The following SMYD1 variants were observed in gnomAD, a reference collection of about 807,000 sequenced individuals.
SMYD1 encodes histone-lysine N-methyltransferase SMYD1.
In SMYD1, 49 loss-of-function variants were observed where a neutral mutation model predicts 54.0. The ratio of observed to expected loss-of-function variants is 0.91; its 90% CI spans 0.72 to 1.15. The LOEUF (loss-of-function observed/expected upper bound fraction) is 1.15, where lower values mean the gene tolerates loss of function less well. Among genes scored for constraint, SMYD1 ranks in the 50% most tolerant of loss-of-function variants. The pLI is 0.00. For synonymous variants in SMYD1, 269 were observed against 234.2 expected (o/e 1.15, Z -1.36); for missense variants, 653 against 639.6 (o/e 1.02, Z -0.23).
chr2:88,073,903 A>G (rs1164644423), intron 1 of SMYD1, among the ~76,000 whole-genome samples: 1 of 152,214 alleles, frequency 6.6e-6, no homozygotes, highest in African/African-American at 2.4e-5. Context: ...TCAATTTTTA[A>G]GTATATGCAT....
At chr2:88,083,892 G>A (rs1267624793) in intron 1 of SMYD1, among the ~76,000 whole-genome samples, 4 of 152,124 alleles carry the variant, frequency 2.6e-5, no homozygotes, top group African/African-American at 4.8e-5. Flanking sequence ...TCAGGAGTTC[G>A]AGACCAGCCT....
intron 1 of SMYD1, among the ~76,000 whole-genome samples, chr2:88,070,916 C>T (rs2103974119): frequency 8.0e-6 from 1 of 124,902 alleles, no homozygotes; most frequent in East Asian, 2.2e-4. Context: ...GCACTCTAGC[C>T]TGGGTGACAG....
At chr2:88,070,665 C>T (rs115776880) in intron 1 of SMYD1, among the ~76,000 whole-genome samples, 53 of 151,876 alleles carry the variant, frequency 3.5e-4, no homozygotes, top group African/African-American at 1.2e-3. Context: ...TAGTTTTGGC[C>T]GGGTGTGGTG....
chr2:88,104,760 C>T (rs1674818417), intron 7 of SMYD1, among the ~76,000 whole-genome samples: 1 of 152,210 alleles, frequency 6.6e-6, no homozygotes, highest in Non-Finnish European at 1.5e-5. Context: ...CCCATGAGAG[C>T]AGCAAAGGAA....
At chr2:88,077,571 C>T (rs778806438) in intron 1 of SMYD1, among the ~76,000 whole-genome samples, 4 of 152,086 alleles carry the variant, frequency 2.6e-5, no homozygotes, top group Admixed American at 1.3e-4. Flanking sequence ...ATGTAAGACT[C>T]GGGAGAAACG....
At chr2:88,083,602 T>C (rs1674250172) in intron 1 of SMYD1, among the ~76,000 whole-genome samples, 1 of 152,196 alleles carries the variant, frequency 6.6e-6, no homozygotes, top group African/African-American at 2.4e-5. Flanking sequence ...ACATATATCA[T>C]AGTGTGTAGA....
rs773436615 is a variant in SMYD1, at chr2:88,067,910, G to A, written c.46G>A (p.Gly16Ser). 2.5e-5 allele frequency: 40 copies of A among 1,614,040 alleles called. No homozygotes were observed. Among genetic ancestry groups the A allele is most frequent in the East Asian group, 2.2e-4 (10 of 44,882 alleles). The change falls in exon 1 of 10, where the codon GGC (glycine) becomes AGC (serine). Residue 16 changes from glycine to serine, a missense_variant. Coordinates refer to ENST00000419482, the MANE Select transcript of SMYD1 (RefSeq NM_198274.4). ...MENVEVFTAE[G>S]KGRGLKATKE... ...GAACGTGGAGGTCTTCACCGCTGAG[G>A]GCAAAGGAAGGGGTCTGAAGGCCAC...
intron 6 of SMYD1, 35 bp downstream of exon 6, chr2:88,096,819 T>C: frequency 1.9e-6 from 3 of 1,589,464 alleles, no homozygotes; most frequent in Non-Finnish European, 2.6e-6. Flanking sequence ...TGTTTGTGTC[T>C]GTCTTCTCCG....
At chr2:88,087,561 A>G (rs1674360271) in intron 2 of SMYD1, among the ~76,000 whole-genome samples, 1 of 151,838 alleles carries the variant, frequency 6.6e-6, no homozygotes, top group South Asian at 2.1e-4. Context: ...TTCCAATTCC[A>G]GCTCAAATGT....
At chr2:88,100,255 C>A (rs1674693318) in intron 6 of SMYD1, among the ~76,000 whole-genome samples, 1 of 152,110 alleles carries the variant, frequency 6.6e-6, no homozygotes, top group East Asian at 1.9e-4. Context: ...AATTAACAAC[C>A]TTTCTGCCAG....
At chr2:88,075,534 CTT>C (rs35091980) in intron 1 of SMYD1, among the ~76,000 whole-genome samples, 2,250 of 103,508 alleles carry the variant, frequency 0.022, 46 homozygotes, top group African/African-American at 0.07. Context: ...CCTTTTAATT[CTT>C]TTTTTTTTTT....
At chr2:88,072,576 A>G (rs904074490) in intron 1 of SMYD1, among the ~76,000 whole-genome samples, 13 of 152,358 alleles carry the variant, frequency 8.5e-5, no homozygotes, top group Admixed American at 1.3e-4. Context: ...ATAATATGCT[A>G]TATTTATCAA....
At chr2:88,097,577 G>A (rs537333866) in intron 6 of SMYD1, among the ~76,000 whole-genome samples, 71 of 152,266 alleles carry the variant, frequency 4.7e-4, no homozygotes, top group Admixed American at 5.2e-4. Flanking sequence ...GCATGGAGGC[G>A]TCTCACATGA....
intron 2 of SMYD1, among the ~76,000 whole-genome samples, chr2:88,087,079 CAAAAAAAA>C (rs57379534): frequency 4.4e-4 from 37 of 83,862 alleles, no homozygotes; most frequent in East Asian, 1.8e-3. Flanking sequence ...GTATAGCTTC[CAAAAAAAA>C]AAAAAAAAAA....
rs746468835 is a variant in SMYD1 at position 88,091,023 on chromosome 2, C to A, written c.540C>A (p.Asn180Lys). The change falls in exon 4 of 10, where the codon AAC becomes AAA. Residue 180 changes from asparagine to lysine, a missense_variant. Coordinates refer to ENST00000419482, the MANE Select transcript of SMYD1 (RefSeq NM_198274.4). ...TTTCCCCTGGGTAGATTAACTGCAA[C>A]GGTTTTACTCTCAGTGATCAGAGAG... is the stretch of plus-strand genomic sequence containing the variant. ...ISHIFGVINC[N>K]GFTLSDQRGL... The A allele has an allele frequency of 2.2e-5, 35 of 1,612,980 alleles. No individual in the cohort carries two copies. The highest frequency in any genetic ancestry group is 5.3e-5 in the African/African-American group (4 of 74,878).
chr2:88,083,002 T>G (rs923771989), intron 1 of SMYD1: 5 of 152,216 alleles, frequency 3.3e-5, no homozygotes, highest in Admixed American at 2.0e-4. Flanking sequence ...TGGCCAGGGA[T>G]AGACACAAAG....
chr2:88,083,932 A>G (rs1483207070), intron 1 of SMYD1, among the ~76,000 whole-genome samples: 1 of 152,148 alleles, frequency 6.6e-6, no homozygotes, highest in Non-Finnish European at 1.5e-5. Context: ...TGTCTGTACT[A>G]AAAATACAAA....
rs992795815 is a variant in SMYD1, at chr2:88,092,549, T to C, written c.660-968T>C. On this transcript the variant is annotated intron_variant, in intron 4 of 9. Coordinates refer to ENST00000419482, the MANE Select transcript of SMYD1 (RefSeq NM_198274.4). The stretch of plus-strand genomic sequence containing the variant: ...TGAGAATCGGGCCTAAGCTTCAATA[T>C]GCCAAGTACCCTGATTTCTCTTTTC... 2.0e-5 allele frequency among the ~76,000 whole-genome samples: 3 copies of C among 152,226 alleles called. 1 individual carries two copies. Among genetic ancestry groups the C allele is most frequent in the African/African-American group, 7.2e-5 (3 of 41,446 alleles).
rs749480036 is a variant in SMYD1, at chr2:88,084,480, A to G, written c.302A>G (p.Asn101Ser). The G allele has an allele frequency of 4.1e-5, 65 of 1,587,476 alleles. No homozygotes were observed. The Middle Eastern group carries it at 1.7e-3, about 41-fold the overall frequency. The change falls in exon 2 of 10, where the codon AAT (asparagine) becomes AGT (serine). Residue 101 changes from asparagine (N) to serine (S), a missense_variant. Physicochemically the swap from Asn to Ser is conservative, Grantham distance 46. Transcript: ENST00000419482. ...SAIKRYGKVP[N>S]ENIRLAARIM... ...ATCAAGAGATATGGGAAGGTGCCCA[A>G]TGAGAACATCAGGTGAGAGCTGGGC...
Sources: allele counts gnomAD v4.1 joint callset (sites outside exome capture counted in the v4.1 genomes callset), GRCh38; gene constraint gnomAD v4.1.1; transcripts MANE v1.5; gene names NCBI Gene and HGNC (gene_info 2026-07-23, HGNC 2026-07-21).